CNTN3: variants seen among roughly 807,000 people sequenced by gnomAD.
The protein encoded by CNTN3 is contactin 3.
In CNTN3, 60 loss-of-function variants were observed where a neutral mutation model predicts 119.1. The observed-to-expected ratio is 0.50, with a 90% CI of 0.41 to 0.62. The LOEUF (loss-of-function observed/expected upper bound fraction) is 0.62. CNTN3 is among the 20% of genes least tolerant of loss of function. CNTN3 has a pLI of 0.00. For missense variants in CNTN3, 1,101 were observed against 1,242.4 expected, an observed-to-expected ratio of 0.89 and a Z score of 1.71; for synonymous variants, 450 against 438.7, an observed-to-expected ratio of 1.03 and a Z score of -0.32.
At chr3:74,290,643 G>A (rs902115310) in intron 19 of CNTN3, among the ~76,000 whole-genome samples, 10 of 152,180 alleles carry the variant, frequency 6.6e-5, no homozygotes, top group African/African-American at 2.4e-5. Context: ...TTCATGGTGA[G>A]TGTGCATGTC....
At chr3:74,438,433 G>C (rs749877370) in intron 4 of CNTN3, among the ~76,000 whole-genome samples, 58 of 152,198 alleles carry the variant, frequency 3.8e-4, no homozygotes, top group Admixed American at 7.2e-4. Flanking sequence ...TGCTCAATAA[G>C]TGTTAGCATG....
At chr3:74,502,798 T>C (rs1703188659) in intron 2 of CNTN3, among the ~76,000 whole-genome samples, 1 of 152,160 alleles carries the variant, frequency 6.6e-6, no homozygotes, top group East Asian at 1.9e-4. Context: ...TTATACACCC[T>C]TCATTTCCAC....
chr3:74,381,086 T>A (rs1387134), intron 5 of CNTN3, among the ~76,000 whole-genome samples: 23,774 of 144,026 alleles, frequency 0.17, 2,190 homozygotes, highest in South Asian at 0.3. Context: ...TCTCTCTCTC[T>A]CACACACACA....
chr3:74,302,312 C>T (rs1702476778), intron 14 of CNTN3, among the ~76,000 whole-genome samples: 2 of 152,108 alleles, frequency 1.3e-5, no homozygotes, highest in Admixed American at 6.6e-5. Context: ...AATCCTGATA[C>T]TTTTTTTGTA....
intron 9 of CNTN3, among the ~76,000 whole-genome samples, chr3:74,364,917 A>G (rs1332858862): frequency 6.6e-6 from 1 of 152,120 alleles, no homozygotes; most frequent in Non-Finnish European, 1.5e-5. Flanking sequence ...TGACTTTAAA[A>G]CATGTTTTAT....
chr3:74,393,221 TA>T (rs1276779946), intron 5 of CNTN3, among the ~76,000 whole-genome samples: 3 of 152,276 alleles, frequency 2.0e-5, no homozygotes, highest in Non-Finnish European at 2.9e-5. Context: ...CTATGTGAGA[TA>T]TTTTTTTTCT....
chr3:74,325,345 A>G (rs953744491), intron 13 of CNTN3, among the ~76,000 whole-genome samples: 2 of 152,184 alleles, frequency 1.3e-5, no homozygotes, highest in African/African-American at 4.8e-5. Flanking sequence ...AGATAGTATC[A>G]ACTCCCAATT....
chr3:74,562,417 C>A (rs934807265), intron 1 of CNTN3, among the ~76,000 whole-genome samples: 4 of 152,148 alleles, frequency 2.6e-5, no homozygotes, highest in African/African-American at 9.7e-5. Flanking sequence ...AAAAAGCACA[C>A]ACGTCATTAT....
intron 5 of CNTN3, among the ~76,000 whole-genome samples, chr3:74,393,986 A>G (rs1704982760): frequency 6.6e-6 from 1 of 152,206 alleles, no homozygotes; most frequent in Non-Finnish European, 1.5e-5. Flanking sequence ...AAAAGATGAG[A>G]TATTAGGTAG....
intron 1 of CNTN3, among the ~76,000 whole-genome samples, chr3:74,568,910 G>A (rs917772012): frequency 1.3e-5 from 2 of 152,166 alleles, no homozygotes; most frequent in Non-Finnish European, 2.9e-5. Context: ...TGAAACAAAT[G>A]TGCTTTTCTG....
At chr3:74,527,254 G>T (rs1165829960) in intron 1 of CNTN3, among the ~76,000 whole-genome samples, 1 of 152,010 alleles carries the variant, frequency 6.6e-6, no homozygotes, top group Middle Eastern at 3.4e-3. Context: ...TGAAAAATTT[G>T]ACAAATAAGT....
intron 13 of CNTN3, among the ~76,000 whole-genome samples, chr3:74,314,611 C>T (rs933733695): frequency 2.0e-5 from 3 of 152,086 alleles, no homozygotes; most frequent in South Asian, 2.1e-4. Flanking sequence ...CAATTCTTTA[C>T]GTGTATTTAC....
At chr3:74,327,098 G>A (rs1326175603) in intron 13 of CNTN3, among the ~76,000 whole-genome samples, 5 of 143,086 alleles carry the variant, frequency 3.5e-5, no homozygotes, top group Non-Finnish European at 7.6e-5. Flanking sequence ...GCTTATGAAG[G>A]GTTAATCCTT....
chr3:74,428,656 T>C (rs1701735604), intron 4 of CNTN3, among the ~76,000 whole-genome samples: 1 of 152,216 alleles, frequency 6.6e-6, no homozygotes, highest in South Asian at 2.1e-4. Context: ...GATTAATTTA[T>C]CACTGAAACA....
intron 5 of CNTN3, among the ~76,000 whole-genome samples, chr3:74,373,683 A>T (rs868785019): frequency 9.9e-5 from 15 of 152,198 alleles, no homozygotes; most frequent in Admixed American, 7.2e-4. Context: ...GAAAATGTTC[A>T]ACTCAAAATG....
chr3:74,361,286 A>G (rs1704068310), intron 11 of CNTN3, among the ~76,000 whole-genome samples: 1 of 152,314 alleles, frequency 6.6e-6, no homozygotes, highest in African/African-American at 2.4e-5. Flanking sequence ...TATCACTCCC[A>G]CTAACAAATA....
intron 1 of CNTN3, among the ~76,000 whole-genome samples, chr3:74,566,640 C>T (rs7622765): frequency 0.73 from 111,595 of 152,036 alleles, 41,523 homozygotes; most frequent in Non-Finnish European, 0.79. Context: ...GTAGAGACAC[C>T]AGTCATTGGG....
chr3:74,408,277 C>G lies in CNTN3; in HGVS notation c.454+16568G>C, dbSNP rs1360592206. ...AGATGCTTTTGAAAATCTGATCTAA[C>G]TAATGTTTAAAAAAAAGGAAAACAA... On this transcript the variant is annotated intron_variant, in intron 5 of 22. Transcript: ENST00000263665. 2.0e-5 allele frequency among the ~76,000 whole-genome samples: 3 copies of G among 152,066 alleles called. No individual in the cohort carries two copies. In the East Asian group the frequency reaches 5.8e-4, roughly 29 times the overall value.
At chr3:74,318,758 C>A (rs1364152590) in intron 13 of CNTN3, among the ~76,000 whole-genome samples, 1 of 152,120 alleles carries the variant, frequency 6.6e-6, no homozygotes, top group Non-Finnish European at 1.5e-5. Context: ...AGGTGTCAGT[C>A]TGCCCCTACT....
Sources: gnomAD v4.1 joint callset for allele counts (sites outside exome capture counted in the v4.1 genomes callset) on GRCh38, gnomAD v4.1.1 for gene constraint, MANE v1.5 for transcripts, NCBI Gene and HGNC (gene_info 2026-07-23, HGNC 2026-07-21) for gene names.